The following HYAL2 variants were observed in gnomAD, a reference collection of about 807,000 sequenced individuals.
HYAL2 encodes the protein hyaluronidase-2.
Under a neutral mutation model 35.4 loss-of-function variants are expected in HYAL2, and 30 were observed. The observed-to-expected ratio is 0.85, with a 90% confidence interval of 0.63 to 1.15. The LOEUF is 1.15. HYAL2 is among the 50% of genes most tolerant of loss of function. HYAL2 has a pLI of 0.00. For synonymous variants in HYAL2, 262 were observed against 252.8 expected (o/e 1.04, Z -0.34); for missense variants, 635 against 646.5 (o/e 0.98, Z 0.19).
At position 50,320,161 on chromosome 3, in the gene HYAL2, C is replaced by G; in HGVS notation, c.329G>C (p.Arg110Pro). Residue 110 changes from arginine (R) to proline (P), a missense_variant, in exon 2 of 4, where the codon CGG (arginine) becomes CCG (proline). Transcript: ENST00000357750. This position sits in a 1 kb window ranked among gnomAD's most constrained non-coding sequence, Gnocchi z 4.8. ...CTCCACACGTTTCTGCAGCATCTTC[C>G]GGTGTGCCCAAAGGCTGACATTCTG... Reference protein sequence around the residue: ...VPQNVSLWAHRKMLQKRVEHY... With the variant: ...VPQNVSLWAHPKMLQKRVEHY... 1 of 1,613,886 alleles carries G rather than the reference C, an allele frequency of 6.2e-7. No individual in the cohort carries two copies. Among genetic ancestry groups the G allele is most frequent in the Non-Finnish European group, 8.5e-7 (1 of 1,180,036 alleles).
In HYAL2 at chr3:50,319,990, G is replaced by A; in HGVS notation, c.500C>T (p.Pro167Leu). The A allele has an allele frequency of 1.2e-6, 2 of 1,613,412 alleles. No individual in the cohort carries two copies. The highest frequency in any genetic ancestry group is 1.7e-6 in the Non-Finnish European group (2 of 1,180,040). ...QLVASRHPDW[P>L]PDRIVKQAQY... Reference sequence around the variant, plus strand: ...TGCCTGTTTGACTATGCGGTCTGGAGGCCAGTCAGGGTGACGACTGGCCAC... The same window carrying A: ...TGCCTGTTTGACTATGCGGTCTGGAAGCCAGTCAGGGTGACGACTGGCCAC... The change falls in exon 2 of 4, where the codon CCT becomes CTT. Residue 167 changes from proline (P) to leucine (L), a missense_variant. Transcript: ENST00000357750.
intron 1 of HYAL2, chr3:50,321,200 G>GC (rs1553716657): frequency 6.6e-6 from 1 of 152,150 alleles, no homozygotes; most frequent in Non-Finnish European, 1.5e-5. Context: ...GCTAGAGCGC[G>GC]CTCCGCCGGG....
intron 2 of HYAL2, 112 bp from the exon 3 acceptor site, chr3:50,319,157 C>A (rs1553716076): frequency 1.2e-5 from 8 of 677,486 alleles, no homozygotes; most frequent in South Asian, 2.2e-5. Context: ...CCAGCTCAAC[C>A]CCCATTTCAC....
At position 50,320,909 on chromosome 3, in the gene HYAL2, C is replaced by T. The variant is rs1470774832; in HGVS notation, c.-46-374G>A. 6.0e-6 allele frequency: 1 copy of T among 167,246 alleles called. No individual in the cohort carries two copies. The highest frequency in any genetic ancestry group is 2.4e-5 in the African/African-American group (1 of 41,966). 10.4% of individuals were successfully genotyped at this position (167,246 alleles called of 1,614,324 possible). On this transcript the variant is annotated intron_variant, in intron 1 of 3. Coordinates refer to ENST00000357750, the MANE Select transcript of HYAL2 (RefSeq NM_003773.5). The surrounding 1 kb of genome is among the most constrained non-coding windows in gnomAD (Gnocchi z 4.8). ...TGTACACCGTGAAGAACCCTTGATCCAGAGAAACGACAGCATTTGGGTAAA... is the reference window on the plus strand; with the variant it reads ...TGTACACCGTGAAGAACCCTTGATCTAGAGAAACGACAGCATTTGGGTAAA...
In HYAL2 at chr3:50,318,694, T is replaced by C; in HGVS notation, c.1012-155A>G. 4 of 793,386 alleles carry C rather than the reference T, an allele frequency of 5.0e-6. No homozygotes were observed. Among genetic ancestry groups the C allele is most frequent in the South Asian group, 1.8e-5 (1 of 55,574 alleles). The allele number at this position is 793,386 out of a possible 1,614,324, so 49.1% of individuals were successfully genotyped here. A position where few individuals can be genotyped will look rare whatever the true frequency, so the allele number is the denominator to read the frequency against. Reference sequence around the variant, plus strand: ...ACCTGAGCCACACAGTCCCTGCTCCTGCTGAGAAGTGGGTGGGGGTACAGA... The same window carrying C: ...ACCTGAGCCACACAGTCCCTGCTCCCGCTGAGAAGTGGGTGGGGGTACAGA... On this transcript the variant is annotated intron_variant, in intron 3 of 3. Coordinates refer to ENST00000357750, the MANE Select transcript of HYAL2 (RefSeq NM_003773.5). This position sits in a 1 kb window ranked among gnomAD's most constrained non-coding sequence, Gnocchi z 4.5.
In HYAL2 at chr3:50,319,852, TTG is replaced by T. The variant is rs1553716265; in HGVS notation, c.636_637del (p.Tyr212Ter). 2.5e-6 allele frequency: 4 copies of T among 1,613,536 alleles called. No individual in the cohort carries two copies. Among genetic ancestry groups the T allele is most frequent in the Non-Finnish European group, 3.4e-6 (4 of 1,179,972 alleles). On this transcript the variant is annotated stop_gained and frameshift_variant, in exon 2 of 4. Coordinates refer to ENST00000357750, the MANE Select transcript of HYAL2 (RefSeq NM_003773.5). LOFTEE classifies it high-confidence loss of function. ...CTCCCAGTTCTGCACATAATCATGA[TTG>T]TAGCAGTCAGGAAAGAGGTAGAAGC... is the stretch of plus-strand genomic sequence containing the variant.
At position 50,320,431 on chromosome 3, in the gene HYAL2, G is replaced by T. The variant is rs782644575; in HGVS notation, c.59C>A (p.Ala20Asp). 3 of 1,593,748 alleles carry T rather than the reference G, an allele frequency of 1.9e-6. No individual in the cohort carries two copies. Among genetic ancestry groups the T allele is most frequent in the Non-Finnish European group, 2.6e-6 (3 of 1,168,536 alleles). Reference protein sequence around the residue: ...TLALVLAVSWAMELKPTAPPI... With the variant: ...TLALVLAVSWDMELKPTAPPI... ...TGGTGCTGTGGGCTTGAGCTCCATG[G>T]CCCATGACACCGCCAGCACCAGGGC... The change falls in exon 2 of 4, where the codon GCC (alanine) becomes GAC (aspartate). Residue 20 changes from alanine (A) to aspartate (D), a missense_variant. Coordinates refer to ENST00000357750, the MANE Select transcript of HYAL2 (RefSeq NM_003773.5). This position sits in a 1 kb window ranked among gnomAD's most constrained non-coding sequence, Gnocchi z 4.8.
Position 50,320,000 on chromosome 3 carries a change from G to A in HYAL2, c.490C>T (p.Pro164Ser). Residue 164 changes from proline to serine, a missense_variant, in exon 2 of 4, where the codon CCT becomes TCT. By Grantham distance (74) the Pro-to-Ser change is moderately conservative. Coordinates refer to ENST00000357750, the MANE Select transcript of HYAL2 (RefSeq NM_003773.5). ...LSRQLVASRH[P>S]DWPPDRIVKQ... ...ACTATGCGGTCTGGAGGCCAGTCAG[G>A]GTGACGACTGGCCACTAGCTGGCGT... 6.2e-7 allele frequency: 1 copy of A among 1,613,332 alleles called. No individual in the cohort carries two copies. The highest frequency in any genetic ancestry group is 1.1e-5 in the South Asian group (1 of 91,082).
rs782447578 is a variant in HYAL2, at chr3:50,318,914, C to T, written c.1011+42G>A. On this transcript the variant is annotated intron_variant, in intron 3 of 3. Transcript: ENST00000357750. This position sits in a 1 kb window ranked among gnomAD's most constrained non-coding sequence, Gnocchi z 4.5. The stretch of plus-strand genomic sequence containing the variant: ...GTAGCCAAAGGCCCTAACTCTCTGT[C>T]TGTCCCATAGACTGAGCTCTGGCAG... 1 of 1,551,078 alleles carries T rather than the reference C, an allele frequency of 6.4e-7. No homozygotes were observed. Among genetic ancestry groups the T allele is most frequent in the Non-Finnish European group, 8.9e-7 (1 of 1,123,246 alleles).
chr3:50,321,561 G>A (rs1260675419), intron 1 of HYAL2: 4 of 152,214 alleles, frequency 2.6e-5, no homozygotes, highest in Admixed American at 1.3e-4. Flanking sequence ...GGGAAGGTGT[G>A]GTCCACCTTT....
rs142551472 is a variant in HYAL2 at position 50,318,150 on chromosome 3, C to T, written c.1401G>A (p.Leu467=). 1.1e-4 allele frequency: 167 copies of T among 1,578,190 alleles called. 1 individual carries two copies. The African/African-American group carries it at 1.9e-3, about 18-fold the overall frequency. The stretch of plus-strand genomic sequence containing the variant: ...ACCCCTACAAGGTCCAGGTAAAGGC[C>T]AGGGCTGCCAGAGCCAGCAGACTGG... The part of the protein sequence containing the change: ...HLTSLLALAA[L]AFTWTL The change falls in exon 4 of 4, where the codon CTG becomes CTA. Residue 467 remains leucine, a synonymous_variant. Coordinates refer to ENST00000357750, the MANE Select transcript of HYAL2 (RefSeq NM_003773.5). This position sits in a 1 kb window ranked among gnomAD's most constrained non-coding sequence, Gnocchi z 4.5.
At position 50,318,418 on chromosome 3, in the gene HYAL2, C is replaced by T. The variant is rs782189454; in HGVS notation, c.1133G>A (p.Arg378His). The change falls in exon 4 of 4, where the codon CGC becomes CAC. Residue 378 changes from arginine (R) to histidine (H), a missense_variant. By Grantham distance (29) the Arg-to-His change is conservative (BLOSUM62 0). Transcript: ENST00000357750. The surrounding 1 kb of genome is among the most constrained non-coding windows in gnomAD (Gnocchi z 4.5). ...AQCHGHGRCV[R>H]RNPSASTFLH... ...GAAGGTACTGGCACTGGGGTTGCGGCGCACACAGCGCCCATGGCCATGGCA... is the reference window on the plus strand; with the variant it reads ...GAAGGTACTGGCACTGGGGTTGCGGTGCACACAGCGCCCATGGCCATGGCA... The T allele has an allele frequency of 1.9e-6, 3 of 1,613,148 alleles. No homozygotes were observed. The highest frequency in any genetic ancestry group is 1.7e-5 in the Admixed American group (1 of 60,014).
chr3:50,321,814 AAGG>A lies in HYAL2; in HGVS notation c.-47+836_-47+838del, dbSNP rs1276650067. 1.1e-3 allele frequency: 6 copies of A among 5,402 alleles called. 1 individual carries two copies. The highest frequency in any genetic ancestry group is 6.8e-3 in the African/African-American group (4 of 590). The allele number at this position is 5,402 out of a possible 1,614,324, so 0.3% of individuals were successfully genotyped here. On this transcript the variant is annotated intron_variant, in intron 1 of 3. Transcript: ENST00000357750. ...GTGAGGGACAAGGCAGGGGGACGGG[AAGG>A]GGGGGGGGGGGAATAGGAGGAGGCG...
rs180933631 is a variant in HYAL2, at chr3:50,320,961, C to G, written c.-46-426G>C. The G allele has an allele frequency of 5.6e-3, 874 of 155,576 alleles. 9 individuals are homozygous for G. The highest frequency in any genetic ancestry group is 0.02 in the African/African-American group (823 of 41,674). 9.6% of individuals were successfully genotyped at this position (155,576 alleles called of 1,614,324 possible). ...CAGGGAACAGCTCGTCAAGAGGCTA[C>G]GAAACTGGAAGGAACGCTGCCGGGA... On this transcript the variant is annotated intron_variant, in intron 1 of 3. Coordinates refer to ENST00000357750, the MANE Select transcript of HYAL2 (RefSeq NM_003773.5). This position sits in a 1 kb window ranked among gnomAD's most constrained non-coding sequence, Gnocchi z 4.8.
At position 50,319,566 on chromosome 3, in the gene HYAL2, T is replaced by C. The variant is rs1553716134; in HGVS notation, c.921+3A>G. On this transcript the variant is annotated splice_donor_region_variant and intron_variant, in intron 2 of 3. Coordinates refer to ENST00000357750, the MANE Select transcript of HYAL2 (RefSeq NM_003773.5). ...AAAAAGGCAGGGCCCTGGAGACACA[T>C]ACCTCACTAAGCCCCGTGAGCCTGC... The C allele has an allele frequency of 6.2e-7, 1 of 1,607,076 alleles. No individual in the cohort carries two copies. Among genetic ancestry groups the C allele is most frequent in the Non-Finnish European group, 8.5e-7 (1 of 1,175,444 alleles).
chr3:50,318,441 G>A lies in HYAL2; in HGVS notation c.1110C>T (p.Cys370=). Residue 370 remains cysteine (C), a synonymous_variant, in exon 4 of 4, where the codon TGC becomes TGT. Coordinates refer to ENST00000357750, the MANE Select transcript of HYAL2 (RefSeq NM_003773.5). This position sits in a 1 kb window ranked among gnomAD's most constrained non-coding sequence, Gnocchi z 4.5. ...WATQYCSRAQ[C]HGHGRCVRRN... Reference sequence around the variant, plus strand: ...GGCGCACACAGCGCCCATGGCCATGGCACTGGGCCCGGCTGCAATATTGGG... The same window carrying A: ...GGCGCACACAGCGCCCATGGCCATGACACTGGGCCCGGCTGCAATATTGGG... 1 of 1,613,224 alleles carries A rather than the reference G, an allele frequency of 6.2e-7. No individual in the cohort carries two copies. Among genetic ancestry groups the A allele is most frequent in the Non-Finnish European group, 8.5e-7 (1 of 1,180,038 alleles).
chr3:50,319,482 T>A (rs1702633867), intron 2 of HYAL2, 87 bp downstream of exon 2: 2 of 1,133,510 alleles, frequency 1.8e-6, no homozygotes, highest in Non-Finnish European at 2.5e-6. Flanking sequence ...AAACTACAGG[T>A]ATAGTCCTAT....
intron 1 of HYAL2, chr3:50,321,715 T>C (rs1702700812): frequency 1.3e-5 from 2 of 150,836 alleles, no homozygotes; most frequent in Non-Finnish European, 2.9e-5. Flanking sequence ...GCCTGAAATG[T>C]TTCCCCTGCA....
Position 50,320,211 on chromosome 3 carries a change from TC to T in HYAL2, c.278del (p.Gly93GlufsTer66), listed in dbSNP as rs1553716394. On this transcript the variant is annotated frameshift_variant, in exon 2 of 4. Coordinates refer to ENST00000357750, the MANE Select transcript of HYAL2 (RefSeq NM_003773.5). LOFTEE classifies it high-confidence loss of function. This position sits in a 1 kb window ranked among gnomAD's most constrained non-coding sequence, Gnocchi z 4.8. ...LGLYPRFDSA[G>X]RSVHGGVPQN... Reference sequence around the variant, plus strand: ...GTGGCACACCACCATGCACAGACCTTCCGGCAGAATCGAAGCGTGGATACAG... The same window carrying T: ...GTGGCACACCACCATGCACAGACCTTCGGCAGAATCGAAGCGTGGATACAG... The T allele has an allele frequency of 1.2e-6, 2 of 1,613,964 alleles. No homozygotes were observed. The highest frequency in any genetic ancestry group is 1.7e-6 in the Non-Finnish European group (2 of 1,180,046).
Sources: allele counts gnomAD v4.1 joint callset, GRCh38; gene constraint gnomAD v4.1.1; non-coding constraint Gnocchi (gnomAD v3.1); transcripts MANE v1.5; gene names NCBI Gene and HGNC (gene_info 2026-07-23, HGNC 2026-07-21).